SYT1: variants seen among roughly 807,000 people sequenced by gnomAD.
The protein encoded by SYT1 is synaptotagmin-1.
SYT1 carries 8 observed loss-of-function variants against 44.8 expected under a neutral mutation model. The ratio of observed to expected loss-of-function variants is 0.18; its 90% CI spans 0.10 to 0.32. The LOEUF is 0.32. SYT1 is among the 10% of genes least tolerant of loss of function. The pLI is 1.00. For synonymous variants in SYT1, 154 were observed against 188.8 expected, an observed-to-expected ratio of 0.82 and a Z score of 1.51; for missense variants, 286 against 509.3, an observed-to-expected ratio of 0.56 and a Z score of 4.22.
At chr12:79,299,332 GT>G in intron 7 of SYT1, 51 bp from the exon 8 acceptor site, 1 of 1,582,306 alleles carries the variant, frequency 6.3e-7, no homozygotes. Flanking sequence ...CAAGTAACAT[GT>G]TTTAAGCATT....
chr12:79,071,651 G>A (rs115973515), intron 3 of SYT1, among the ~76,000 whole-genome samples: 77 of 152,178 alleles, frequency 5.1e-4, no homozygotes, highest in African/African-American at 1.8e-3. Context: ...ACTCCTTTAG[G>A]GAAGGCTCCT....
intron 2 of SYT1, among the ~76,000 whole-genome samples, chr12:79,030,819 G>A (rs139631107): frequency 1.4e-3 from 214 of 151,178 alleles, no homozygotes; most frequent in Non-Finnish European, 2.5e-3. Context: ...AAGTGAAGGA[G>A]TAAGGTGATG....
chr12:79,209,903 G>C (rs973062719), intron 3 of SYT1, among the ~76,000 whole-genome samples: 1 of 152,106 alleles, frequency 6.6e-6, no homozygotes, highest in African/African-American at 2.4e-5. Flanking sequence ...CCAAGAGTTA[G>C]TTTCAATATG....
intron 1 of SYT1, among the ~76,000 whole-genome samples, chr12:78,902,902 A>C (rs953368923): frequency 1.3e-5 from 2 of 152,250 alleles, no homozygotes; most frequent in African/African-American, 4.8e-5. Flanking sequence ...TGGATGCACC[A>C]TTTTCTGAAA....
chr12:78,985,837 A>C (rs1157746729), intron 2 of SYT1, among the ~76,000 whole-genome samples: 1 of 152,024 alleles, frequency 6.6e-6, no homozygotes, highest in East Asian at 1.9e-4. Context: ...CAAAAGAAGC[A>C]ATTTCAAACG....
intron 3 of SYT1, among the ~76,000 whole-genome samples, chr12:79,077,324 G>A (rs1876727213): frequency 6.6e-6 from 1 of 152,092 alleles, no homozygotes; most frequent in Admixed American, 6.6e-5. Flanking sequence ...CCATGATACA[G>A]TGCATTCACA....
chr12:79,026,701 A>ATCTATC (rs1565769769), intron 2 of SYT1, among the ~76,000 whole-genome samples: 1 of 125,726 alleles, frequency 8.0e-6, no homozygotes, highest in African/African-American at 3.0e-5. Context: ...ATATATATAT[A>ATCTATC]TCACACTTTC....
chr12:79,422,504 ACT>A (rs1224505641), intron 9 of SYT1, among the ~76,000 whole-genome samples: 1 of 148,316 alleles, frequency 6.7e-6, no homozygotes, highest in African/African-American at 2.5e-5. Context: ...ATTTCCATAG[ACT>A]CTAACTTTTT....
chr12:79,157,645 T>C (rs1870683571), intron 3 of SYT1, among the ~76,000 whole-genome samples: 1 of 152,266 alleles, frequency 6.6e-6, no homozygotes, highest in Admixed American at 6.5e-5. Flanking sequence ...CTAGATTGGG[T>C]ATTAAGAATA....
intron 3 of SYT1, among the ~76,000 whole-genome samples, chr12:79,135,844 A>G (rs546168339): frequency 2.4e-4 from 37 of 152,306 alleles, no homozygotes; most frequent in African/African-American, 7.5e-4. Flanking sequence ...GGTGCCCTTA[A>G]GTGTGGTTGA....
intron 4 of SYT1, among the ~76,000 whole-genome samples, chr12:79,249,749 A>G (rs1428014197): frequency 6.6e-6 from 1 of 152,124 alleles, no homozygotes; most frequent in African/African-American, 2.4e-5. Flanking sequence ...CCAACAAGAG[A>G]AGGTTAGGTC....
intron 3 of SYT1, among the ~76,000 whole-genome samples, chr12:79,201,173 C>T (rs7300564): frequency 0.069 from 10,540 of 152,088 alleles, 781 homozygotes; most frequent in African/African-American, 0.18. Flanking sequence ...TTTCCCCATA[C>T]GTATTTTTTG....
chr12:78,908,849 T>A (rs934802381), intron 1 of SYT1, among the ~76,000 whole-genome samples: 4 of 151,958 alleles, frequency 2.6e-5, no homozygotes, highest in African/African-American at 9.7e-5. Context: ...CAAATATTTT[T>A]TTTACTTCAT....
intron 4 of SYT1, among the ~76,000 whole-genome samples, chr12:79,232,721 T>G (rs982971706): frequency 6.6e-6 from 1 of 152,226 alleles, no homozygotes; most frequent in Non-Finnish European, 1.5e-5. Context: ...ACACACTGTC[T>G]TTTCATCTTT....
chr12:78,964,915 A>G (rs1879692900), intron 1 of SYT1, among the ~76,000 whole-genome samples: 2 of 152,104 alleles, frequency 1.3e-5, no homozygotes, highest in South Asian at 4.1e-4. Flanking sequence ...GGTCAAATAA[A>G]TGTGAACAGT....
intron 9 of SYT1, among the ~76,000 whole-genome samples, chr12:79,376,103 G>A (rs548503794): frequency 5.3e-5 from 8 of 152,152 alleles, no homozygotes; most frequent in African/African-American, 1.9e-4. Context: ...CCACTGAGAC[G>A]CACTTCCTCC....
At chr12:79,236,634 A>G (rs1876207284) in intron 4 of SYT1, among the ~76,000 whole-genome samples, 1 of 152,184 alleles carries the variant, frequency 6.6e-6, no homozygotes, top group Admixed American at 6.5e-5. Flanking sequence ...TTTTTAAGAA[A>G]ACTGTAGAGG....
chr12:79,137,569 T>A (rs571132191), intron 3 of SYT1, among the ~76,000 whole-genome samples: 19 of 152,208 alleles, frequency 1.2e-4, no homozygotes, highest in Non-Finnish European at 2.8e-4. Context: ...AAACCAAGAC[T>A]GCCTGCTTCC....
At chr12:79,295,945 C>A in intron 6 of SYT1, 124 bp from the exon 7 acceptor site, 1 of 1,120,586 alleles carries the variant, frequency 8.9e-7, no homozygotes. Context: ...ATAAGAGAAT[C>A]AGAGTTTTAT....
Sources: gnomAD v4.1 joint callset for allele counts (sites outside exome capture counted in the v4.1 genomes callset) on GRCh38, gnomAD v4.1.1 for gene constraint, MANE v1.5 for transcripts, NCBI Gene and HGNC (gene_info 2026-07-23, HGNC 2026-07-21) for gene names.